CFTR: variants seen among roughly 807,000 people sequenced by gnomAD.
CFTR encodes the protein CF transmembrane conductance regulator, also known as cystic fibrosis transmembrane conductance regulator.
CFTR carries 181 observed loss-of-function variants against 171.6 expected under a neutral mutation model. The observed-to-expected ratio is 1.05, with a 90% CI of 0.93 to 1.19. The LOEUF (loss-of-function observed/expected upper bound fraction) is 1.19. Among genes scored for constraint, CFTR ranks in the 50% most tolerant of loss-of-function variants. The pLI is 0.00. For synonymous variants in CFTR, 583 were observed against 608.0 expected (o/e 0.96, Z 0.60); for missense variants, 1,968 against 1,734.7 (o/e 1.13, Z -2.39).
chr7:117,545,211 A>T (rs776739482), intron 9 of CFTR, among the ~76,000 whole-genome samples: 10 of 152,154 alleles, frequency 6.6e-5, no homozygotes, highest in Non-Finnish European at 1.3e-4. Flanking sequence ...GTCTTGTGAG[A>T]CTTCTTCACT....
chr7:117,559,817 T>C (rs1799430808), intron 11 of CFTR, among the ~76,000 whole-genome samples, 162 bp downstream of exon 11: 1 of 152,154 alleles, frequency 6.6e-6, no homozygotes, highest in African/African-American at 2.4e-5. Context: ...ACATGACCTA[T>C]GCTTTAAGAA....
intron 21 of CFTR, 146 bp downstream of exon 21, chr7:117,614,859 GTCATTAAATCCTTATCTCTTCTT>G (rs1792461853): frequency 6.0e-6 from 4 of 664,602 alleles, no homozygotes; most frequent in South Asian, 3.2e-5. Context: ...CTGTGTATCT[GTCATTAAATCCTTATCTCTTCTT>G]TCCTTCTCAT....
Position 117,591,858 on chromosome 7 carries a change from CAA to C in CFTR, c.1767-73_1767-72del. On this transcript the variant is annotated intron_variant, in intron 13 of 26. Coordinates refer to ENST00000003084, the MANE Select transcript of CFTR (RefSeq NM_000492.4). ...GAGATTATATGCAATAAAACATTAA[CAA>C]AATGCTAAAATACGAGACATATTGC... The C allele has an allele frequency of 4.2e-6, 4 of 957,630 alleles. No homozygotes were observed. In the South Asian group the frequency reaches 7.0e-5, roughly 17 times the overall value. 59.3% of individuals were successfully genotyped at this position (957,630 alleles called of 1,614,324 possible).
At chr7:117,552,682 A>T (rs1396741794) in intron 10 of CFTR, among the ~76,000 whole-genome samples, 1 of 152,078 alleles carries the variant, frequency 6.6e-6, no homozygotes. Context: ...TTTTTTTAGT[A>T]TCTTCCCAGA....
At chr7:117,621,128 AAC>A (rs1792572364) in intron 21 of CFTR, among the ~76,000 whole-genome samples, 1 of 152,028 alleles carries the variant, frequency 6.6e-6, no homozygotes. Flanking sequence ...AGAAAGCAAA[AAC>A]ACAGATTACT....
chr7:117,620,481 A>G (rs1445770217), intron 21 of CFTR, among the ~76,000 whole-genome samples: 1 of 152,180 alleles, frequency 6.6e-6, no homozygotes, highest in African/African-American at 2.4e-5. Flanking sequence ...ACTGTCCCTG[A>G]ATGCTAGAGT....
At chr7:117,594,819 A>C (rs1162287196) in intron 14 of CFTR, 111 bp from the exon 15 acceptor site, 1 of 950,804 alleles carries the variant, frequency 1.1e-6, no homozygotes, top group East Asian at 2.7e-5. Flanking sequence ...GTTAAAATAC[A>C]CTTAGATTCA....
chr7:117,571,053 C>T (rs181891081), intron 11 of CFTR, among the ~76,000 whole-genome samples: 23 of 152,216 alleles, frequency 1.5e-4, no homozygotes, highest in African/African-American at 5.1e-4. Flanking sequence ...TTTCCTCTCC[C>T]CTTGGGAAAG....
intron 11 of CFTR, among the ~76,000 whole-genome samples, chr7:117,565,379 C>T (rs931750071): frequency 3.3e-5 from 5 of 152,080 alleles, no homozygotes; most frequent in African/African-American, 1.2e-4. Flanking sequence ...TTGACAATAC[C>T]GCAGTCTACC....
At chr7:117,480,220 T>C in intron 1 of CFTR, 73 bp downstream of exon 1, 1 of 1,419,762 alleles carries the variant, frequency 7.0e-7, no homozygotes, top group Non-Finnish European at 1.0e-6. Context: ...ATGGGTTGGG[T>C]TTGGGGTAAA....
intron 21 of CFTR, among the ~76,000 whole-genome samples, chr7:117,625,606 A>G (rs1792639362): frequency 6.6e-6 from 1 of 152,202 alleles, no homozygotes; most frequent in Non-Finnish European, 1.5e-5. Context: ...TTAATAAAAT[A>G]TAAGTTTAGA....
intron 1 of CFTR, among the ~76,000 whole-genome samples, chr7:117,497,856 T>C (rs1162442688): frequency 6.6e-6 from 1 of 152,138 alleles, no homozygotes; most frequent in African/African-American, 2.4e-5. Context: ...TAATTACACA[T>C]ACCTTTTCTT....
chr7:117,531,966 C>G (rs1186789779), intron 4 of CFTR, among the ~76,000 whole-genome samples: 1 of 151,994 alleles, frequency 6.6e-6, no homozygotes, highest in East Asian at 1.9e-4. Flanking sequence ...AAATCTGCCT[C>G]TAGCAAATAA....
chr7:117,545,907 A>C (rs754348431), intron 9 of CFTR, among the ~76,000 whole-genome samples: 2 of 151,744 alleles, frequency 1.3e-5, no homozygotes, highest in African/African-American at 4.8e-5. Context: ...TGTAACCTTG[A>C]ACTTGGGCTC....
chr7:117,662,418 T>G (rs1022552029), intron 24 of CFTR, among the ~76,000 whole-genome samples: 4 of 152,150 alleles, frequency 2.6e-5, no homozygotes, highest in African/African-American at 7.2e-5. Flanking sequence ...CCTGGTTGAA[T>G]GGCTTAAGAG....
At chr7:117,548,322 T>C (rs1035346099) in intron 9 of CFTR, among the ~76,000 whole-genome samples, 2 of 137,474 alleles carry the variant, frequency 1.5e-5, no homozygotes, top group African/African-American at 2.7e-5. Flanking sequence ...ACCCCGCTTA[T>C]AGGAGAAGAG....
intron 22 of CFTR, among the ~76,000 whole-genome samples, chr7:117,632,833 A>C (rs1193631858): frequency 6.6e-6 from 1 of 152,232 alleles, no homozygotes; most frequent in Non-Finnish European, 1.5e-5. Context: ...AAAGGAGATA[A>C]GTGGAATTAA....
chr7:117,502,403 T>C (rs1798346129), intron 1 of CFTR, among the ~76,000 whole-genome samples: 1 of 152,242 alleles, frequency 6.6e-6, no homozygotes. Flanking sequence ...TGCTCATGTT[T>C]ATGAAGGCAC....
chr7:117,547,208 G>T (rs1413070307), intron 9 of CFTR, among the ~76,000 whole-genome samples: 7 of 152,106 alleles, frequency 4.6e-5, no homozygotes, highest in East Asian at 3.8e-4. Context: ...TGCCTTAAAA[G>T]AATTTTGAAA....
Sources: gnomAD v4.1 joint callset for allele counts (sites outside exome capture counted in the v4.1 genomes callset) on GRCh38, gnomAD v4.1.1 for gene constraint, MANE v1.5 for transcripts, NCBI Gene and HGNC (gene_info 2026-07-23, HGNC 2026-07-21) for gene names.